The following CHRM3 variants were observed in gnomAD, a reference collection of about 807,000 sequenced individuals.
CHRM3 encodes the protein muscarinic acetylcholine receptor M3.
A neutral mutation model predicts 41.8 loss-of-function variants in CHRM3; 11 were observed. That is an observed-to-expected ratio of 0.26 (90% CI 0.17 to 0.44). The LOEUF (loss-of-function observed/expected upper bound fraction) is 0.44, where lower values mean the gene tolerates loss of function less well. Among genes scored for constraint, CHRM3 ranks in the 20% least tolerant of loss-of-function variants. The probability of loss-of-function intolerance (pLI) is 1.00; values close to 1 mark genes in which losing one functional copy is unlikely to be tolerated. For missense variants in CHRM3, 571 were observed against 745.4 expected (o/e 0.77, Z 2.72); for synonymous variants, 297 against 301.4 (o/e 0.99, Z 0.15).
intron 1 of CHRM3, among the ~76,000 whole-genome samples, chr1:239,490,653 C>T (rs1667494746): frequency 6.6e-6 from 1 of 152,150 alleles, no homozygotes. Context: ...TCTGGAACTA[C>T]TGGCCTCAAG....
chr1:239,598,168 A>G (rs764089053), intron 3 of CHRM3, among the ~76,000 whole-genome samples: 4 of 151,984 alleles, frequency 2.6e-5, no homozygotes, highest in Non-Finnish European at 5.9e-5. Context: ...GCTTTGTAAG[A>G]CCCCAGGATC....
intron 1 of CHRM3, among the ~76,000 whole-genome samples, chr1:239,453,615 T>C (rs994010569): frequency 6.6e-6 from 1 of 152,184 alleles, no homozygotes; most frequent in African/African-American, 2.4e-5. Context: ...AGTTTAGCTA[T>C]TAAAAAAAGA....
At chr1:239,493,335 T>G (rs1667676195) in intron 2 of CHRM3, among the ~76,000 whole-genome samples, 1 of 152,188 alleles carries the variant, frequency 6.6e-6, no homozygotes. Flanking sequence ...AAGAACTGTG[T>G]GTTTTGTTGC....
At chr1:239,612,960 G>A (rs1667232281) in intron 3 of CHRM3, among the ~76,000 whole-genome samples, 1 of 152,134 alleles carries the variant, frequency 6.6e-6, no homozygotes, top group South Asian at 2.1e-4. Flanking sequence ...CCTAACTATG[G>A]AGTTATTCTA....
chr1:239,824,267 G>A (rs1020388139), intron 5 of CHRM3, among the ~76,000 whole-genome samples: 3 of 152,176 alleles, frequency 2.0e-5, no homozygotes, highest in Non-Finnish European at 4.4e-5. Flanking sequence ...GAGAACAACC[G>A]TCAGCAAGTA....
intron 5 of CHRM3, among the ~76,000 whole-genome samples, chr1:239,824,086 G>A (rs998344572): frequency 1.3e-5 from 2 of 152,096 alleles, no homozygotes; most frequent in Non-Finnish European, 2.9e-5. Flanking sequence ...GCTGCCGGCG[G>A]TGCCCTCTGT....
intron 4 of CHRM3, among the ~76,000 whole-genome samples, chr1:239,672,794 G>A (rs1395929799): frequency 6.6e-6 from 1 of 152,064 alleles, no homozygotes; most frequent in Non-Finnish European, 1.5e-5. Flanking sequence ...AATTTCAAAT[G>A]GTTTGTAAGA....
intron 1 of CHRM3, among the ~76,000 whole-genome samples, chr1:239,393,483 C>A (rs1409288031): frequency 6.6e-6 from 1 of 152,160 alleles, no homozygotes. Context: ...ACACATGCCA[C>A]ATGCAGTAGC....
intron 1 of CHRM3, among the ~76,000 whole-genome samples, chr1:239,472,385 T>TA (rs2147947332): frequency 6.6e-6 from 1 of 152,302 alleles, no homozygotes; most frequent in South Asian, 2.1e-4. Flanking sequence ...AGCCACACTC[T>TA]AGAGGAAGCC....
rs1217837181 is a variant in CHRM3, at chr1:239,813,895, C to CTGGGT, written c.-146-13357_-146-13356insTGGGT. Among the ~76,000 whole-genome samples, 46 of 134,234 alleles carry CTGGGT rather than the reference C, an allele frequency of 3.4e-4. 1 individual carries two copies. The highest frequency in any genetic ancestry group is 3.6e-3 in the Middle Eastern group (1 of 278). 88.1% of individuals were successfully genotyped at this position (134,234 alleles called of 152,430 possible). ...TCCCGCCACTGCACTCCAGCCTGGG[C>CTGGGT]GACAGAGCGAGACTCCGTCTCAAAA... On this transcript the variant is annotated intron_variant, in intron 5 of 6. Coordinates refer to ENST00000676153, the MANE Select transcript of CHRM3 (RefSeq NM_001375978.1).
rs1378307375 is a variant in CHRM3, at chr1:239,914,602, G to A, written c.*5378G>A. On this transcript the variant is annotated 3_prime_UTR_variant, in exon 7 of 7. Transcript: ENST00000676153. ...TAGAACTCAGAAACTTTACTGGATT[G>A]GTCAACAAAGACAAACTTTTTATTG... 1 of 166,982 alleles carries A rather than the reference G, an allele frequency of 6.0e-6. No individual in the cohort carries two copies. The highest frequency in any genetic ancestry group is 1.5e-5 in the Non-Finnish European group (1 of 68,108). 10.3% of individuals were successfully genotyped at this position (166,982 alleles called of 1,614,324 possible).
chr1:239,619,814 A>C (rs1668157914), intron 3 of CHRM3, among the ~76,000 whole-genome samples: 1 of 149,480 alleles, frequency 6.7e-6, no homozygotes, highest in African/African-American at 2.5e-5. Flanking sequence ...TTTAAGAGAG[A>C]GTGAGAGACG....
At chr1:239,572,884 A>T (rs1289981676) in intron 3 of CHRM3, among the ~76,000 whole-genome samples, 1 of 152,208 alleles carries the variant, frequency 6.6e-6, no homozygotes, top group Non-Finnish European at 1.5e-5. Flanking sequence ...TATACTTTAC[A>T]TGTAGTCTTC....
chr1:239,612,853 C>T (rs1667220720), intron 3 of CHRM3, among the ~76,000 whole-genome samples: 1 of 152,118 alleles, frequency 6.6e-6, no homozygotes, highest in East Asian at 1.9e-4. Flanking sequence ...CACACACTAC[C>T]ACTGCTGGTT....
chr1:239,617,181 CT>C (rs1377972483), intron 3 of CHRM3, among the ~76,000 whole-genome samples: 1 of 152,182 alleles, frequency 6.6e-6, no homozygotes, highest in Non-Finnish European at 1.5e-5. Context: ...TTTGACATTT[CT>C]GAGTAATCCC....
At chr1:239,721,975 T>G (rs1389992940) in intron 5 of CHRM3, among the ~76,000 whole-genome samples, 1 of 151,802 alleles carries the variant, frequency 6.6e-6, no homozygotes, top group African/African-American at 2.4e-5. Context: ...ATGTGTCCCT[T>G]CAACACAAGG....
intron 5 of CHRM3, among the ~76,000 whole-genome samples, chr1:239,817,014 C>T (rs1347032500): frequency 6.6e-6 from 1 of 152,146 alleles, no homozygotes; most frequent in Non-Finnish European, 1.5e-5. Flanking sequence ...TGAGCCACCA[C>T]GCCCAGCTGC....
chr1:239,907,364 T>G lies in CHRM3; in HGVS notation c.-19-69T>G, dbSNP rs1459179133. 3 of 1,203,254 alleles carry G rather than the reference T, an allele frequency of 2.5e-6. No individual in the cohort carries two copies. The highest frequency in any genetic ancestry group is 3.6e-6 in the Non-Finnish European group (3 of 843,940). 74.5% of individuals were successfully genotyped at this position (1,203,254 alleles called of 1,614,324 possible). A position where few individuals can be genotyped will look rare whatever the true frequency, so the allele number is the denominator to read the frequency against. ...TAGGCCTTCCATGTCTTTTAACGTA[T>G]GTAATGCAAAGAACAAACAAATAAA... On this transcript the variant is annotated intron_variant, in intron 6 of 6. Transcript: ENST00000676153. This position sits in a 1 kb window ranked among gnomAD's most constrained non-coding sequence, Gnocchi z 5.4.
chr1:239,667,639 A>G (rs1673945397), intron 4 of CHRM3, among the ~76,000 whole-genome samples: 1 of 152,186 alleles, frequency 6.6e-6, no homozygotes, highest in African/African-American at 2.4e-5. Context: ...GCACCTCTTC[A>G]TCCTTTCCCT....
Sources: gnomAD v4.1 joint callset for allele counts (sites outside exome capture counted in the v4.1 genomes callset) on GRCh38, gnomAD v4.1.1 for gene constraint, Gnocchi (gnomAD v3.1) non-coding constraint, MANE v1.5 for transcripts, NCBI Gene and HGNC (gene_info 2026-07-23, HGNC 2026-07-21) for gene names.